SREBF1: variants seen among roughly 807,000 people sequenced by gnomAD.
SREBF1 encodes sterol regulatory element-binding protein 1.
SREBF1 carries 45 observed loss-of-function variants against 100.1 expected under a neutral mutation model. That is an observed-to-expected ratio of 0.45 (90% CI 0.35 to 0.58). The LOEUF (loss-of-function observed/expected upper bound fraction) is 0.58, where lower values mean the gene tolerates loss of function less well. Among genes scored for constraint, SREBF1 ranks in the 20% least tolerant of loss-of-function variants. SREBF1 has a pLI of 0.00. For missense variants in SREBF1, 1,324 were observed against 1,539.4 expected (o/e 0.86, Z 2.34); for synonymous variants, 657 against 681.8 (o/e 0.96, Z 0.57).
intron 1 of SREBF1, among the ~76,000 whole-genome samples, chr17:17,830,992 G>A (rs77391284): frequency 0.026 from 3,905 of 152,338 alleles, 127 homozygotes; most frequent in African/African-American, 0.081. Context: ...CCAGGCCTCT[G>A]CTGGCAGTGA....
chr17:17,819,716 G>T lies in SREBF1; in HGVS notation c.533C>A (p.Pro178His). ...AGGCAGCGGCTGCTGGGTGTTCCCG[G>T]GAGGGCTTCCTGCAGAAATAAAGCA... ...PPGGFSTGSP[P>H]GNTQQPLPGL... is the part of the protein sequence containing the mutation. Residue 178 changes from proline to histidine, a missense_variant, in exon 3 of 19, where the codon CCC (proline) becomes CAC (histidine). Coordinates refer to ENST00000261646, the MANE Select transcript of SREBF1 (RefSeq NM_004176.5). The T allele has an allele frequency of 6.2e-7, 1 of 1,603,652 alleles. No individual in the cohort carries two copies.
rs1203967201 is a variant in SREBF1, at chr17:17,815,229, A to G, written c.2484T>C (p.Asp828=). ...TQPNPSPGSA[D]GDKEFSDALG... is the part of the protein sequence containing the mutation. ...GGCACAACGACACTTACTTGTCCCC[A>G]TCAGCTGACCCAGGGCTGGGGTTGG... The change falls in exon 13 of 19, where the codon GAT becomes GAC. Residue 828 remains aspartate (D), a synonymous_variant. Coordinates refer to ENST00000261646, the MANE Select transcript of SREBF1 (RefSeq NM_004176.5). 6.2e-7 allele frequency: 1 copy of G among 1,613,522 alleles called. No homozygotes were observed. Among genetic ancestry groups the G allele is most frequent in the Admixed American group, 1.7e-5 (1 of 60,028 alleles).
intron 1 of SREBF1, among the ~76,000 whole-genome samples, chr17:17,831,941 G>A (rs2034888234): frequency 6.6e-6 from 1 of 152,198 alleles, no homozygotes; most frequent in Admixed American, 6.5e-5. Flanking sequence ...GGCTCACCAG[G>A]GCTGGTTCCC....
At position 17,813,445 on chromosome 17, in the gene SREBF1, G is replaced by T; in HGVS notation, c.3137C>A (p.Ala1046Glu). ...FLHEATARLM[A>E]GASPTRTHQL... ...GTGTGTCCGTGTGGGGCTGGCCCCC[G>T]CCATCAGCCGGGCCGTGGCCTCATG... The change falls in exon 18 of 19, where the codon GCG becomes GAG. Residue 1046 changes from alanine to glutamate, a missense_variant. By Grantham distance (107) the Ala-to-Glu change is moderately radical. Transcript: ENST00000261646. 1 of 1,604,416 alleles carries T rather than the reference G, an allele frequency of 6.2e-7. No individual in the cohort carries two copies. The highest frequency in any genetic ancestry group is 8.5e-7 in the Non-Finnish European group (1 of 1,176,204).
intron 1 of SREBF1, among the ~76,000 whole-genome samples, chr17:17,836,202 GGCTGTGCCCGT>G (rs1567999543): frequency 6.6e-6 from 1 of 152,288 alleles, no homozygotes; most frequent in Non-Finnish European, 1.5e-5. Context: ...TGAGTGCGGA[GGCTGTGCCCGT>G]CGCAGACCGG....
chr17:17,825,759 C>A (rs2034454177), intron 1 of SREBF1, among the ~76,000 whole-genome samples: 1 of 152,048 alleles, frequency 6.6e-6, no homozygotes, highest in Non-Finnish European at 1.5e-5. Context: ...AGGTGTGCGC[C>A]ACCACACCTG....
At chr17:17,827,872 T>G (rs890537290) in intron 1 of SREBF1, among the ~76,000 whole-genome samples, 3 of 152,316 alleles carry the variant, frequency 2.0e-5, no homozygotes, top group Middle Eastern at 3.4e-3. Flanking sequence ...TCAGTGAGTG[T>G]GTGCAGAGTG....
At position 17,816,085 on chromosome 17, in the gene SREBF1, G is replaced by C. The variant is rs551910387; in HGVS notation, c.2215-57C>G. 2.5e-6 allele frequency: 4 copies of C among 1,583,140 alleles called. No homozygotes were observed. The South Asian group carries it at 4.5e-5, about 18-fold the overall frequency. On this transcript the variant is annotated intron_variant, in intron 11 of 18. Transcript: ENST00000261646. ...GACACAGCCTGGGGCCAGACCCCGG[G>C]CCGAGTCCCAGCTTGGCCTGGAGTC...
chr17:17,825,378 T>G (rs1221147197), intron 1 of SREBF1, among the ~76,000 whole-genome samples: 1 of 150,772 alleles, frequency 6.6e-6, no homozygotes, highest in Non-Finnish European at 1.5e-5. Flanking sequence ...GGCAGCAGAG[T>G]CATTAAAGAC....
intron 5 of SREBF1, 102 bp downstream of exon 5, chr17:17,818,911 C>G (rs2033862437): frequency 2.9e-6 from 4 of 1,374,468 alleles, no homozygotes; most frequent in Non-Finnish European, 4.1e-6. Flanking sequence ...CAATTCCCTG[C>G]TTGTCCAGGC....
chr17:17,820,445 T>C lies in SREBF1; in HGVS notation c.168A>G (p.Ala56=). The stretch of plus-strand genomic sequence containing the variant: ...CGGGGCTGGCAGGGTCTGTGCCCCC[T>C]GCCCCACTCCCAGCATAGGGTGGGT... ...LFDPPYAGSG[A]GGTDPASPDT... Residue 56 remains alanine (A), a synonymous_variant, in exon 2 of 19, where the codon GCA becomes GCG. Transcript: ENST00000261646. 1.9e-6 allele frequency: 3 copies of C among 1,614,004 alleles called. No individual in the cohort carries two copies. Among genetic ancestry groups the C allele is most frequent in the Non-Finnish European group, 2.5e-6 (3 of 1,179,960 alleles).
intron 1 of SREBF1, chr17:17,823,474 G>T (rs200676239): frequency 7.9e-5 from 110 of 1,386,868 alleles, no homozygotes; most frequent in Middle Eastern, 3.5e-4. Context: ...TGCAGGAGAC[G>T]GAGGCATTGT....
chr17:17,813,884 GC>G, intron 16 of SREBF1, 115 bp from the exon 17 acceptor site: 1 of 1,098,350 alleles, frequency 9.1e-7, no homozygotes, highest in Non-Finnish European at 1.3e-6. Context: ...CACTGCACCC[GC>G]CTCACACACG....
intron 1 of SREBF1, among the ~76,000 whole-genome samples, chr17:17,829,265 T>TACACAC (rs532379353): frequency 1.5e-5 from 2 of 133,720 alleles, no homozygotes; most frequent in African/African-American, 6.3e-5. Flanking sequence ...CACTCACACA[T>TACACAC]ACACACACAC....
intron 1 of SREBF1, chr17:17,820,775 C>A: frequency 1.8e-6 from 1 of 546,762 alleles, no homozygotes; most frequent in African/African-American, 1.9e-5. Flanking sequence ...ACAAGGTGGG[C>A]ACCACAAGGC....
In SREBF1 at chr17:17,817,692, C is replaced by T. The variant is rs2033744998; in HGVS notation, c.1404+4G>A. 4 of 1,613,042 alleles carry T rather than the reference C, an allele frequency of 2.5e-6. No homozygotes were observed. The highest frequency in any genetic ancestry group is 3.4e-6 in the Non-Finnish European group (4 of 1,179,910). On this transcript the variant is annotated splice_donor_region_variant and intron_variant, in intron 7 of 18. Transcript: ENST00000261646. This position sits in a 1 kb window ranked among gnomAD's most constrained non-coding sequence, Gnocchi z 6.6. The stretch of plus-strand genomic sequence containing the variant: ...GGGAAGGGGGCACCGTGGCAGGGCC[C>T]AACCTTGCTGTCCTCAAAGACTGGG...
chr17:17,816,827 T>C, intron 9 of SREBF1, 109 bp from the exon 10 acceptor site: 1 of 1,583,750 alleles, frequency 6.3e-7, no homozygotes, highest in East Asian at 2.3e-5. Flanking sequence ...GGTCTGCGGA[T>C]GCGTGGCTAG....
rs563515554 is a variant in SREBF1 at position 17,825,135 on chromosome 17, C to T, written c.92-4614G>A. Among the ~76,000 whole-genome samples, 13 of 152,314 alleles carry T rather than the reference C, an allele frequency of 8.5e-5. No individual in the cohort carries two copies. In the East Asian group the frequency reaches 2.1e-3, roughly 25 times the overall value. ...CCTGGTTCTTTCATTACTTTGCTCC[C>T]CAGTTTCTGAGCCTAGAATGTGGTG... On this transcript the variant is annotated intron_variant, in intron 1 of 18. Coordinates refer to ENST00000261646, the MANE Select transcript of SREBF1 (RefSeq NM_004176.5).
chr17:17,814,971 G>A, intron 13 of SREBF1, 27 bp from the exon 14 acceptor site: 1 of 1,547,642 alleles, frequency 6.5e-7, no homozygotes, highest in Non-Finnish European at 8.7e-7. Context: ...CTGGCTGTCG[G>A]AACAGATGGC....
Sources: allele counts gnomAD v4.1 joint callset (sites outside exome capture counted in the v4.1 genomes callset), GRCh38; gene constraint gnomAD v4.1.1; non-coding constraint Gnocchi (gnomAD v3.1); transcripts MANE v1.5; gene names NCBI Gene and HGNC (gene_info 2026-07-23, HGNC 2026-07-21).